SRGAP3: variants seen among roughly 807,000 people sequenced by gnomAD.
SRGAP3 encodes SLIT-ROBO Rho GTPase activating protein 3.
A neutral mutation model predicts 121.1 loss-of-function variants in SRGAP3; 39 were observed. The observed-to-expected ratio is 0.32, with a 90% CI of 0.25 to 0.42. The LOEUF is 0.42. SRGAP3 is among the 10% of genes least tolerant of loss of function. The probability of loss-of-function intolerance (pLI) is 1.00; values close to 1 mark genes in which losing one functional copy is unlikely to be tolerated. For synonymous variants in SRGAP3, 601 were observed against 570.0 expected (o/e 1.05, Z -0.77); for missense variants, 1,213 against 1,470.6 (o/e 0.82, Z 2.86).
At chr3:9,276,494 C>T (rs908682586) in intron 3 of SRGAP3, among the ~76,000 whole-genome samples, 3 of 151,232 alleles carry the variant, frequency 2.0e-5, no homozygotes, top group African/African-American at 4.9e-5. Flanking sequence ...GGCGCAATCT[C>T]GGCTCACTGC....
At chr3:9,078,389 C>T (rs1378490537) in intron 4 of SRGAP3, among the ~76,000 whole-genome samples, 1 of 152,072 alleles carries the variant, frequency 6.6e-6, no homozygotes, top group East Asian at 1.9e-4. Context: ...TAGCCAAACT[C>T]GCTGCAGAAT....
At chr3:9,209,570 C>T (rs1239371181) in intron 1 of SRGAP3, among the ~76,000 whole-genome samples, 2 of 152,198 alleles carry the variant, frequency 1.3e-5, no homozygotes, top group Admixed American at 6.5e-5. Flanking sequence ...CACTTTGATG[C>T]TAGCTATTGA....
intron 1 of SRGAP3, among the ~76,000 whole-genome samples, chr3:9,167,557 C>T (rs1469274244): frequency 2.0e-5 from 3 of 152,184 alleles, no homozygotes; most frequent in African/African-American, 7.2e-5. Flanking sequence ...TCCCTGCTGT[C>T]AACGCCTAGG....
chr3:9,176,591 T>C (rs867990493), intron 1 of SRGAP3, among the ~76,000 whole-genome samples: 107 of 152,306 alleles, frequency 7.0e-4, no homozygotes, highest in African/African-American at 2.0e-3. Context: ...AGAGGTTTAA[T>C]TGGCTCATGG....
intron 3 of SRGAP3, among the ~76,000 whole-genome samples, chr3:9,092,221 G>A (rs1036889826): frequency 1.3e-5 from 2 of 151,948 alleles, no homozygotes; most frequent in African/African-American, 4.8e-5. Flanking sequence ...GGAAGTCCAA[G>A]GATACCTCGG....
chr3:9,297,694 G>A (rs1410411255), intron 3 of SRGAP3, among the ~76,000 whole-genome samples: 1 of 151,984 alleles, frequency 6.6e-6, no homozygotes, highest in Non-Finnish European at 1.5e-5. Context: ...TCAGGAGTTC[G>A]AGACCAGCCT....
At chr3:9,285,313 G>T (rs772187218) in intron 3 of SRGAP3, among the ~76,000 whole-genome samples, 4 of 152,120 alleles carry the variant, frequency 2.6e-5, no homozygotes, top group Non-Finnish European at 5.9e-5. Flanking sequence ...ATTAATGATG[G>T]GGCTCAGAAC....
At chr3:9,090,657 G>A (rs979544555) in intron 3 of SRGAP3, among the ~76,000 whole-genome samples, 3 of 152,206 alleles carry the variant, frequency 2.0e-5, no homozygotes, top group African/African-American at 7.2e-5. Context: ...GTTTTTGTGA[G>A]ATGGTGTCTT....
chr3:9,057,208 G>A (rs1261326031), intron 7 of SRGAP3, among the ~76,000 whole-genome samples: 2 of 152,070 alleles, frequency 1.3e-5, no homozygotes, highest in Non-Finnish European at 2.9e-5. Flanking sequence ...GATTACAGAC[G>A]TGAGCCACCG....
Position 8,990,671 on chromosome 3 carries a change from A to G in SRGAP3, c.2727T>C (p.Pro909=), listed in dbSNP as rs1216618392. The stretch of plus-strand genomic sequence containing the variant: ...CGAACGTCGCCATCCTCCGCTTCTC[A>G]GGGCTCTCGATCCTCCCCCGGGTGA... ...IPLTRGRIES[P]EKRRMATFGS... is the part of the protein sequence containing the mutation. Residue 909 remains proline, a synonymous_variant, in exon 21 of 22, where the codon CCT becomes CCC. Coordinates refer to ENST00000383836, the MANE Select transcript of SRGAP3 (RefSeq NM_014850.4). The G allele has an allele frequency of 6.2e-7, 1 of 1,613,562 alleles. No homozygotes were observed. Among genetic ancestry groups the G allele is most frequent in the Middle Eastern group, 1.7e-4 (1 of 6,060 alleles).
At chr3:9,231,119 G>A (rs1422492764) in intron 1 of SRGAP3, among the ~76,000 whole-genome samples, 3 of 152,154 alleles carry the variant, frequency 2.0e-5, no homozygotes, top group East Asian at 1.9e-4. Flanking sequence ...CCACTTCCAG[G>A]GGAAATAGGG....
chr3:9,338,766 G>A (rs1955732615), intron 1 of SRGAP3, among the ~76,000 whole-genome samples: 1 of 152,134 alleles, frequency 6.6e-6, no homozygotes, highest in South Asian at 2.1e-4. Context: ...GATATACAAG[G>A]AAAATTAACT....
At chr3:9,228,647 G>A (rs983771218) in intron 1 of SRGAP3, among the ~76,000 whole-genome samples, 2 of 152,156 alleles carry the variant, frequency 1.3e-5, no homozygotes, top group East Asian at 1.9e-4. Flanking sequence ...TCTGCAGTAG[G>A]AGACAGCTAA....
intron 18 of SRGAP3, among the ~76,000 whole-genome samples, chr3:9,006,113 G>C (rs1559891416): frequency 6.6e-6 from 1 of 152,046 alleles, no homozygotes; most frequent in Admixed American, 6.6e-5. Flanking sequence ...CTTATGAAAA[G>C]GAGTGGGCTG....
chr3:9,070,158 A>G (rs1237747541), intron 4 of SRGAP3, among the ~76,000 whole-genome samples: 1 of 152,216 alleles, frequency 6.6e-6, no homozygotes, highest in African/African-American at 2.4e-5. Flanking sequence ...TATCTGTACC[A>G]TCTTTCAGCC....
At chr3:9,060,695 C>T (rs1189632312) in intron 5 of SRGAP3, among the ~76,000 whole-genome samples, 2 of 152,150 alleles carry the variant, frequency 1.3e-5, no homozygotes, top group African/African-American at 4.8e-5. Context: ...CCACCTTAGC[C>T]TCCCAAGTGT....
intron 4 of SRGAP3, among the ~76,000 whole-genome samples, 184 bp downstream of exon 4, chr3:9,079,841 T>C (rs906709819): frequency 6.6e-6 from 1 of 152,200 alleles, no homozygotes; most frequent in Non-Finnish European, 1.5e-5. Flanking sequence ...GCCCCAGATG[T>C]ACAGAATCAG....
intron 12 of SRGAP3, among the ~76,000 whole-genome samples, chr3:9,031,986 T>C (rs1412618963): frequency 1.3e-5 from 2 of 152,098 alleles, no homozygotes; most frequent in East Asian, 3.9e-4. Flanking sequence ...CTCATACCCT[T>C]TACACCAAAG....
intron 1 of SRGAP3, among the ~76,000 whole-genome samples, chr3:9,360,665 A>G (rs1007150686): frequency 1.1e-4 from 16 of 152,314 alleles, no homozygotes; most frequent in Admixed American, 1.0e-3. Context: ...GGCAGCAAGA[A>G]AGAGAATGGG....
Sources: allele counts gnomAD v4.1 joint callset (sites outside exome capture counted in the v4.1 genomes callset), GRCh38; gene constraint gnomAD v4.1.1; transcripts MANE v1.5; gene names NCBI Gene and HGNC (gene_info 2026-07-23, HGNC 2026-07-21).